The following ERBB4 variants were observed in gnomAD, a reference collection of about 807,000 sequenced individuals.
ERBB4 encodes erb-b2 receptor tyrosine kinase 4, also known as receptor tyrosine-protein kinase erbB-4.
A neutral mutation model predicts 158.0 loss-of-function variants in ERBB4; 42 were observed. The observed-to-expected ratio is 0.27, with a 90% CI of 0.21 to 0.34. ERBB4 has a LOEUF of 0.34. ERBB4 is among the 10% of genes least tolerant of loss of function. The pLI is 1.00. For synonymous variants in ERBB4, 583 were observed against 558.7 expected, an observed-to-expected ratio of 1.04 and a Z score of -0.61; for missense variants, 1,333 against 1,624.1, an observed-to-expected ratio of 0.82 and a Z score of 3.08.
intron 7 of ERBB4, among the ~76,000 whole-genome samples, chr2:211,721,644 T>TATATATATATATATATATATATAC (rs1156312544): frequency 1.4e-5 from 2 of 144,706 alleles, no homozygotes; most frequent in African/African-American, 5.1e-5. Context: ...TATATATATA[T>TATATATATATATATATATATATAC]ACATGTTTTG....
At chr2:212,397,845 CTAA>C (rs2091075671) in intron 1 of ERBB4, among the ~76,000 whole-genome samples, 1 of 151,982 alleles carries the variant, frequency 6.6e-6, no homozygotes, top group Admixed American at 6.6e-5. Flanking sequence ...AATGTATCAA[CTAA>C]TGTTTCCAGA....
chr2:212,342,596 T>C (rs1471733700), intron 1 of ERBB4, among the ~76,000 whole-genome samples: 1 of 152,178 alleles, frequency 6.6e-6, no homozygotes, highest in Non-Finnish European at 1.5e-5. Flanking sequence ...GTGTGAATTT[T>C]TAGCCTCACA....
intron 20 of ERBB4, among the ~76,000 whole-genome samples, chr2:211,445,064 C>A (rs996733445): frequency 7.9e-5 from 12 of 152,026 alleles, no homozygotes; most frequent in African/African-American, 2.7e-4. Flanking sequence ...ATGACAACTT[C>A]TTTGAGGATA....
intron 3 of ERBB4, among the ~76,000 whole-genome samples, chr2:211,909,764 A>G (rs1233637703): frequency 6.6e-6 from 1 of 151,706 alleles, no homozygotes; most frequent in Non-Finnish European, 1.5e-5. Flanking sequence ...ATGTAGGTTT[A>G]TGTGTGTGTG....
chr2:212,327,697 C>T (rs932121096), intron 1 of ERBB4, among the ~76,000 whole-genome samples: 1 of 149,874 alleles, frequency 6.7e-6, no homozygotes, highest in African/African-American at 2.5e-5. Context: ...GTCTAAAACC[C>T]CTTTAACGAT....
At chr2:212,297,451 G>GT (rs2106197698) in intron 1 of ERBB4, among the ~76,000 whole-genome samples, 1 of 151,958 alleles carries the variant, frequency 6.6e-6, no homozygotes, top group East Asian at 1.9e-4. Context: ...AGTTTTGCCT[G>GT]TTTCTTAAAG....
chr2:211,762,703 T>G (rs1293823666), intron 4 of ERBB4, among the ~76,000 whole-genome samples: 1 of 152,040 alleles, frequency 6.6e-6, no homozygotes, highest in Non-Finnish European at 1.5e-5. Context: ...AGAAACGTGG[T>G]TCAACAGCTA....
intron 2 of ERBB4, among the ~76,000 whole-genome samples, chr2:212,097,116 T>A (rs1040673985): frequency 6.6e-6 from 1 of 152,132 alleles, no homozygotes; most frequent in East Asian, 1.9e-4. Context: ...CTGGCAATAT[T>A]GAGATGAAAG....
At chr2:211,508,366 T>C (rs533832808) in intron 20 of ERBB4, among the ~76,000 whole-genome samples, 18 of 151,990 alleles carry the variant, frequency 1.2e-4, no homozygotes, top group African/African-American at 4.1e-4. Flanking sequence ...CCAACAAACA[T>C]ATGAAAAAAA....
At chr2:212,505,712 T>C (rs1691158599) in intron 1 of ERBB4, among the ~76,000 whole-genome samples, 1 of 148,812 alleles carries the variant, frequency 6.7e-6, no homozygotes, top group Non-Finnish European at 1.5e-5. Flanking sequence ...CCAAAGTCAG[T>C]GTTGCCTATA....
At chr2:211,485,312 A>T (rs36022151) in intron 20 of ERBB4, among the ~76,000 whole-genome samples, 34,891 of 152,076 alleles carry the variant, frequency 0.23, 4,330 homozygotes, top group African/African-American at 0.33. Flanking sequence ...TCAAGATGTA[A>T]CAGTCTGCTT....
At position 212,238,075 on chromosome 2, in the gene ERBB4, AGAG is replaced by A. The variant is rs1375423071; in HGVS notation, c.83-113175_83-113173del. Among the ~76,000 whole-genome samples the A allele has an allele frequency of 8.5e-5, 13 of 152,310 alleles. No homozygotes were observed. In the East Asian group the frequency reaches 2.3e-3, roughly 27 times the overall value. ...ACTCCTGGGCTTCCGCCGCCTTTCC[AGAG>A]GAGTAAACGGTTCTGTCTTGCTGGT... is the stretch of plus-strand genomic sequence containing the variant. On this transcript the variant is annotated intron_variant, in intron 1 of 27. Transcript: ENST00000342788.
At chr2:212,249,897 G>A (rs2084466440) in intron 1 of ERBB4, among the ~76,000 whole-genome samples, 1 of 151,970 alleles carries the variant, frequency 6.6e-6, no homozygotes, top group Admixed American at 6.6e-5. Flanking sequence ...TAGTAAAGAA[G>A]CTTGACAATG....
chr2:212,175,824 G>C (rs966353687), intron 1 of ERBB4, among the ~76,000 whole-genome samples: 2 of 151,784 alleles, frequency 1.3e-5, no homozygotes, highest in Admixed American at 1.3e-4. Flanking sequence ...AGGGTACTTA[G>C]AGATCATCTA....
chr2:212,325,679 A>C (rs2087793089), intron 1 of ERBB4, among the ~76,000 whole-genome samples: 3 of 150,508 alleles, frequency 2.0e-5, no homozygotes, highest in Non-Finnish European at 3.0e-5. Flanking sequence ...TTTAGAATTT[A>C]TCATTCCTGT....
rs62182640 is a variant in ERBB4 at position 212,310,397 on chromosome 2, C to T, written c.83-185494G>A. 1.7e-3 allele frequency among the ~76,000 whole-genome samples: 249 copies of T among 150,746 alleles called. 1 individual carries two copies. The highest frequency in any genetic ancestry group is 3.2e-3 in the Non-Finnish European group (217 of 67,158). On this transcript the variant is annotated intron_variant, in intron 1 of 27. Coordinates refer to ENST00000342788, the MANE Select transcript of ERBB4 (RefSeq NM_005235.3). Reference sequence around the variant, plus strand: ...TTGGGGAACAAGGCGAAAACATTAACCTGATTAACCCATGTTACTTCTCTG... The same window carrying T: ...TTGGGGAACAAGGCGAAAACATTAATCTGATTAACCCATGTTACTTCTCTG...
chr2:211,450,068 C>T (rs1009944242), intron 20 of ERBB4, among the ~76,000 whole-genome samples: 3 of 152,118 alleles, frequency 2.0e-5, no homozygotes, highest in Non-Finnish European at 4.4e-5. Flanking sequence ...GTGACTTTCC[C>T]AAAAACACAC....
intron 2 of ERBB4, among the ~76,000 whole-genome samples, chr2:211,953,391 AG>A (rs1443211903): frequency 6.6e-6 from 1 of 151,492 alleles, no homozygotes; most frequent in African/African-American, 2.4e-5. Flanking sequence ...AATTTAAAAA[AG>A]TAAATAAAAC....
At chr2:212,509,610 T>G (rs1262960346) in intron 1 of ERBB4, among the ~76,000 whole-genome samples, 6 of 152,010 alleles carry the variant, frequency 3.9e-5, no homozygotes, top group Non-Finnish European at 5.9e-5. Context: ...TAATATAGAA[T>G]ATGAAAATGG....
Sources: gnomAD v4.1 joint callset for allele counts (sites outside exome capture counted in the v4.1 genomes callset) on GRCh38, gnomAD v4.1.1 for gene constraint, MANE v1.5 for transcripts, NCBI Gene and HGNC (gene_info 2026-07-23, HGNC 2026-07-21) for gene names.